Variants in VWCE observed in about 807,000 individuals in gnomAD.
The protein encoded by VWCE is von Willebrand factor C and EGF domain-containing protein.
A neutral mutation model predicts 102.9 loss-of-function variants in VWCE; 68 were observed. The observed-to-expected ratio is 0.66, with a 90% CI of 0.54 to 0.81. The LOEUF (loss-of-function observed/expected upper bound fraction) is 0.81. Among genes scored for constraint, VWCE ranks in the 30% least tolerant of loss-of-function variants. The pLI is 0.00. For synonymous variants in VWCE, 497 were observed against 515.4 expected (o/e 0.96, Z 0.48); for missense variants, 1,137 against 1,263.6 (o/e 0.90, Z 1.52).
At position 61,283,115 on chromosome 11, in the gene VWCE, C is replaced by T. The variant is rs118136871; in HGVS notation, c.542-210G>A. On this transcript the variant is annotated intron_variant, in intron 5 of 19. Transcript: ENST00000335613. ...TCATCCTCACTGCTACCCCTTAGCC[C>T]GGCCACATTCATCTCTAGTCTGGAG... Among the ~76,000 whole-genome samples the T allele has an allele frequency of 4.9e-3, 747 of 152,244 alleles. 18 individuals carry two copies. Among genetic ancestry groups the T allele is most frequent in the East Asian group, 0.04 (205 of 5,180 alleles).
chr11:61,282,885 T>A lies in VWCE; in HGVS notation c.562A>T (p.Thr188Ser). Residue 188 changes from threonine to serine, a missense_variant, in exon 6 of 20, where the codon ACT (threonine) becomes TCT (serine). This residue lies in a region of VWCE where 575 missense variants were observed against 625.9 expected (regional missense o/e 0.92). Coordinates refer to ENST00000335613, the MANE Select transcript of VWCE (RefSeq NM_152718.2). ...SCQDTDECLG[T>S]PCQQRCKNSI... The stretch of plus-strand genomic sequence containing the variant: ...TTTTTACATCTCTGCTGACAGGGAG[T>A]CCCTAGGCATTCGTCAGTGTCTGGC... The A allele has an allele frequency of 1.9e-6, 3 of 1,613,942 alleles. No individual in the cohort carries two copies. Among genetic ancestry groups the A allele is most frequent in the Non-Finnish European group, 2.5e-6 (3 of 1,179,956 alleles).
chr11:61,291,022 G>A, intron 3 of VWCE, 95 bp from the exon 4 acceptor site: 3 of 1,515,648 alleles, frequency 2.0e-6, no homozygotes, highest in Non-Finnish European at 2.7e-6. Context: ...TGGGAGGGTA[G>A]CTCTGAAGGC....
At chr11:61,279,561 CA>C (rs1174159030) in intron 9 of VWCE, among the ~76,000 whole-genome samples, 2 of 146,334 alleles carry the variant, frequency 1.4e-5, no homozygotes, top group Non-Finnish European at 1.5e-5. Flanking sequence ...GACTCCATCT[CA>C]AAAAAAAACA....
At chr11:61,274,455 C>A in intron 12 of VWCE, 44 bp downstream of exon 12, 2 of 1,587,460 alleles carry the variant, frequency 1.3e-6, no homozygotes. Flanking sequence ...CCTCGCTCCC[C>A]TCTCCATCAA....
At chr11:61,269,040 C>A in intron 14 of VWCE, 22 bp from the exon 15 acceptor site, 1 of 1,611,684 alleles carries the variant, frequency 6.2e-7, no homozygotes, top group Non-Finnish European at 8.5e-7. Flanking sequence ...AGGAACTTCA[C>A]CAAGACCCCA....
At position 61,281,828 on chromosome 11, in the gene VWCE, G is replaced by C. The variant is rs749806453; in HGVS notation, c.745C>G (p.Arg249Gly). ...TCAGCTCGGAGCCTGAAGCCAGGTC[G>C]GCATGTGCATAGGAAGCTGCCCACG... ...NTVGSFLCTC[R>G]PGFRLRADRV... The change falls in exon 7 of 20, where the codon CGA becomes GGA. Residue 249 changes from arginine to glycine, a missense_variant. Transcript: ENST00000335613. 2 of 1,613,868 alleles carry C rather than the reference G, an allele frequency of 1.2e-6. No homozygotes were observed. Among genetic ancestry groups the C allele is most frequent in the Non-Finnish European group, 8.5e-7 (1 of 1,179,866 alleles).
rs112633170 is a variant in VWCE, at chr11:61,289,128, G to A, written c.424+1671C>T. 2.6e-4 allele frequency among the ~76,000 whole-genome samples: 40 copies of A among 150,952 alleles called. 1 individual carries two copies. The highest frequency in any genetic ancestry group is 1.7e-3 in the Admixed American group (26 of 15,176). The stretch of plus-strand genomic sequence containing the variant: ...ACTGAGATTACAGCGGTGAGCCACC[G>A]TGCCCGGCCCTATGGCAGCATTATT... On this transcript the variant is annotated intron_variant, in intron 4 of 19. Transcript: ENST00000335613.
Position 61,281,081 on chromosome 11 carries a change from C to A in VWCE, c.942G>T (p.Arg314Ser). Residue 314 changes from arginine to serine, a missense_variant, in exon 8 of 20, where the codon AGG becomes AGT. Transcript: ENST00000335613. ...SGAPGPPAGVRTTRLPSPTPR... is the reference protein window; with the variant it reads ...SGAPGPPAGVSTTRLPSPTPR... ...GGGTGGGAGATGGCAGGCGGGTGGT[C>A]CTGACTCCGGCTGGGGGCCCTGGAG... 6.2e-7 allele frequency: 1 copy of A among 1,607,336 alleles called. No homozygotes were observed. The highest frequency in any genetic ancestry group is 8.5e-7 in the Non-Finnish European group (1 of 1,176,480).
At chr11:61,269,916 C>T (rs1365721034) in intron 14 of VWCE, among the ~76,000 whole-genome samples, 1 of 139,660 alleles carries the variant, frequency 7.2e-6, no homozygotes, top group Non-Finnish European at 1.5e-5. Flanking sequence ...CAGCTTACAG[C>T]ATTTTTTTTT....
rs148001891 is a variant in VWCE at position 61,280,923 on chromosome 11, G to A, written c.1100C>T (p.Thr367Ile). The change falls in exon 8 of 20, where the codon ACC (threonine) becomes ATC (isoleucine). Residue 367 changes from threonine (T) to isoleucine (I), a missense_variant. Physicochemically the swap from Thr to Ile is moderately conservative, Grantham distance 89. Transcript: ENST00000335613. The stretch of plus-strand genomic sequence containing the variant: ...CTCAGGGCCCCTGGGTGAGGAAGGG[G>A]TCCCCATCACCTCCCCCTGAAGGAG... ...PSLLQGEVMG[T>I]PSSPRGPESP... The A allele has an allele frequency of 1.2e-4, 187 of 1,527,574 alleles. 2 individuals carry two copies. The Admixed American group carries it at 1.3e-3, about 11-fold the overall frequency. 94.6% of individuals were successfully genotyped at this position (1,527,574 alleles called of 1,614,324 possible).
intron 12 of VWCE, 23 bp from the exon 13 acceptor site, chr11:61,273,339 AATG>A (rs1441642452): frequency 1.3e-6 from 2 of 1,595,450 alleles, no homozygotes; most frequent in Admixed American, 3.5e-5. Flanking sequence ...CCAGGCACAG[AATG>A]ATGAGGGCGG....
At chr11:61,293,079 TA>T (rs1327788330) in intron 1 of VWCE, among the ~76,000 whole-genome samples, 1 of 151,704 alleles carries the variant, frequency 6.6e-6, no homozygotes, top group African/African-American at 2.4e-5. Flanking sequence ...CCGACTCTAC[TA>T]AAAATGCAAA....
intron 1 of VWCE, among the ~76,000 whole-genome samples, chr11:61,291,883 G>A (rs1451155450): frequency 6.6e-6 from 1 of 152,180 alleles, no homozygotes; most frequent in Non-Finnish European, 1.5e-5. Context: ...GGAGCCCCAG[G>A]GGTGGCTGCC....
chr11:61,274,791 G>A (rs1024599821), intron 11 of VWCE, among the ~76,000 whole-genome samples: 1 of 152,162 alleles, frequency 6.6e-6, no homozygotes, highest in African/African-American at 2.4e-5. Context: ...GGTGGGTGTG[G>A]CAGTTCATGT....
chr11:61,275,045 A>T (rs1854861032), intron 11 of VWCE, among the ~76,000 whole-genome samples: 1 of 152,150 alleles, frequency 6.6e-6, no homozygotes, highest in Admixed American at 6.5e-5. Context: ...ACAGAGCAAG[A>T]CCCCATGTCA....
intron 1 of VWCE, among the ~76,000 whole-genome samples, chr11:61,293,726 T>C (rs144137377): frequency 6.6e-6 from 1 of 152,286 alleles, no homozygotes; most frequent in African/African-American, 2.4e-5. Flanking sequence ...ACTGGGGACA[T>C]GGGACAAGGC....
rs201995778 is a variant in VWCE at position 61,290,799 on chromosome 11, C to T, written c.424G>A (p.Asp142Asn). 5.0e-6 allele frequency: 8 copies of T among 1,612,080 alleles called. No homozygotes were observed. The African/African-American group carries it at 9.3e-5, about 19-fold the overall frequency. Residue 142 changes from aspartate to asparagine, a missense_variant and splice_region_variant, in exon 4 of 20, where the codon GAC becomes AAC. Transcript: ENST00000335613. Reference sequence around the variant, plus strand: ...CCCCCACCACTCCCAGGCGTCTCACCTGTACACCTGATGCCAACAGCTGTC... The same window carrying T: ...CCCCCACCACTCCCAGGCGTCTCACTTGTACACCTGATGCCAACAGCTGTC... ...TETAVGIRCT[D>N]IDECVTSSCE...
intron 11 of VWCE, among the ~76,000 whole-genome samples, chr11:61,275,034 G>A (rs1476646881): frequency 5.3e-5 from 8 of 152,086 alleles, no homozygotes; most frequent in East Asian, 3.9e-4. Context: ...CAGCCTGAGC[G>A]ACAGAGCAAG....
rs1395981234 is a variant in VWCE at position 61,258,736 on chromosome 11, G to C, written c.2807C>G (p.Thr936Ser). The change falls in exon 20 of 20, where the codon ACC (threonine) becomes AGC (serine). Residue 936 changes from threonine to serine, a missense_variant. Thr to Ser is a moderately conservative substitution (Grantham distance 58). Coordinates refer to ENST00000335613, the MANE Select transcript of VWCE (RefSeq NM_152718.2). ...SRLSTALAAT[T>S]HPGPQQPPVG... ...TGGGGGCTGCTGGGGGCCAGGGTGG[G>C]TGGTGGCTGCAAGGGCTGTGGAGAG... 4 of 1,396,638 alleles carry C rather than the reference G, an allele frequency of 2.9e-6. No homozygotes were observed. The South Asian group carries it at 6.5e-5, about 23-fold the overall frequency. 86.5% of individuals were successfully genotyped at this position (1,396,638 alleles called of 1,614,324 possible).
Sources: allele counts gnomAD v4.1 joint callset (sites outside exome capture counted in the v4.1 genomes callset), GRCh38; gene constraint gnomAD v4.1.1; regional missense constraint gnomAD v4.1.1; transcripts MANE v1.5; gene names NCBI Gene and HGNC (gene_info 2026-07-23, HGNC 2026-07-21).